Variants in ABCC1 observed in about 807,000 individuals in gnomAD.
The protein encoded by ABCC1 is ATP binding cassette subfamily C member 1 (ABCC1 blood group), also known as multidrug resistance-associated protein 1.
A neutral mutation model predicts 172.9 loss-of-function variants in ABCC1; 83 were observed. The observed-to-expected ratio is 0.48, with a 90% CI of 0.40 to 0.58. The LOEUF is 0.58. Among genes scored for constraint, ABCC1 ranks in the 20% least tolerant of loss-of-function variants. ABCC1 has a pLI of 0.00. For missense variants in ABCC1, 1,817 were observed against 2,002.7 expected (o/e 0.91, Z 1.77); for synonymous variants, 937 against 825.2 (o/e 1.14, Z -2.32).
rs572449968 is a variant in ABCC1, at chr16:16,044,362, G to A, written c.810-88G>A. The A allele has an allele frequency of 1.1e-4, 127 of 1,185,764 alleles. 1 individual carries two copies. The highest frequency in any genetic ancestry group is 8.0e-4 in the African/African-American group (52 of 65,404). 73.5% of individuals were successfully genotyped at this position (1,185,764 alleles called of 1,614,324 possible). A position where few individuals can be genotyped will look rare whatever the true frequency, so the allele number is the denominator to read the frequency against. Reference sequence around the variant, plus strand: ...TGTTGTCTTTGACTCTGCCTTCCCTGAAGGGTGACATTCCCTGGCCATGTC... The same window carrying A: ...TGTTGTCTTTGACTCTGCCTTCCCTAAAGGGTGACATTCCCTGGCCATGTC... On this transcript the variant is annotated intron_variant, in intron 7 of 30. Transcript: ENST00000399410.
intron 7 of ABCC1, among the ~76,000 whole-genome samples, chr16:16,039,208 TTTG>T (rs1336649999): frequency 7.6e-6 from 1 of 132,344 alleles, no homozygotes; most frequent in Non-Finnish European, 1.6e-5. Context: ...CGAGGAAGCT[TTTG>T]TGTGTGTGTG....
chr16:16,090,440 G>A lies in ABCC1; in HGVS notation c.2496G>A (p.Leu832=). The change falls in exon 19 of 31, where the codon TTG becomes TTA. Residue 832 remains leucine, a synonymous_variant. Coordinates refer to ENST00000399410, the MANE Select transcript of ABCC1 (RefSeq NM_004996.4). ...RILVTHSMSY[L]PQVDVIIVMS... ...TGGTCACGCACAGCATGAGCTACTT[G>A]CCGCAGGTGGACGTCATCATCGTCA... 1 of 1,612,036 alleles carries A rather than the reference G, an allele frequency of 6.2e-7. No homozygotes were observed. Among genetic ancestry groups the A allele is most frequent in the African/African-American group, 1.3e-5 (1 of 75,034 alleles).
chr16:16,067,685 A>G (rs765193391), intron 12 of ABCC1, among the ~76,000 whole-genome samples: 4 of 152,208 alleles, frequency 2.6e-5, no homozygotes, highest in Non-Finnish European at 4.4e-5. Context: ...ATGAAATGGC[A>G]GTGCTGAGAC....
intron 26 of ABCC1, among the ~76,000 whole-genome samples, chr16:16,127,760 A>G (rs1341738699): frequency 6.6e-6 from 1 of 151,780 alleles, no homozygotes; most frequent in African/African-American, 2.4e-5. Flanking sequence ...ACCTCGGCCC[A>G]CTCCTTTAAC....
At chr16:16,137,714 A>G (rs2045969145) in intron 29 of ABCC1, among the ~76,000 whole-genome samples, 1 of 151,656 alleles carries the variant, frequency 6.6e-6, no homozygotes, top group Non-Finnish European at 1.5e-5. Flanking sequence ...CACCATGCCC[A>G]GTTAAATTTT....
chr16:15,990,774 C>T (rs1053816776), intron 1 of ABCC1, among the ~76,000 whole-genome samples: 15 of 151,660 alleles, frequency 9.9e-5, no homozygotes, highest in Non-Finnish European at 1.6e-4. Context: ...CTCAGCCTCC[C>T]GAGTAGCTGG....
intron 19 of ABCC1, among the ~76,000 whole-genome samples, chr16:16,094,971 C>T (rs1399089827): frequency 6.6e-6 from 1 of 152,018 alleles, no homozygotes; most frequent in Non-Finnish European, 1.5e-5. Flanking sequence ...GCATGTGCCA[C>T]CACGCCCAGC....
intron 7 of ABCC1, among the ~76,000 whole-genome samples, chr16:16,038,077 A>G (rs1014790030): frequency 6.8e-6 from 1 of 147,610 alleles, no homozygotes; most frequent in African/African-American, 2.6e-5. Context: ...TGATAGATAG[A>G]TGGATGATAG....
At chr16:16,014,764 T>C (rs2047932183) in intron 4 of ABCC1, 136 bp downstream of exon 4, 2 of 1,041,770 alleles carry the variant, frequency 1.9e-6, no homozygotes, top group East Asian at 2.5e-5. Flanking sequence ...AGCTTCTCCC[T>C]TGGTGACTTT....
Position 16,044,431 on chromosome 16 carries a change from T to C in ABCC1, c.810-19T>C. On this transcript the variant is annotated intron_variant, in intron 7 of 30. Coordinates refer to ENST00000399410, the MANE Select transcript of ABCC1 (RefSeq NM_004996.4). Reference sequence around the variant, plus strand: ...ATCTCTGGCAGACCCCACAACGGCTTCACCTCCTTGTGTTCCAGGCAGCCG... The same window carrying C: ...ATCTCTGGCAGACCCCACAACGGCTCCACCTCCTTGTGTTCCAGGCAGCCG... 1 of 1,609,820 alleles carries C rather than the reference T, an allele frequency of 6.2e-7. No homozygotes were observed. Among genetic ancestry groups the C allele is most frequent in the Non-Finnish European group, 8.5e-7 (1 of 1,176,626 alleles).
rs887540092 is a variant in ABCC1, at chr16:16,061,466, A to G, written c.1677+5171A>G. On this transcript the variant is annotated intron_variant, in intron 12 of 30. Transcript: ENST00000399410. ...AGTCGTACCTCTCCCTCTTCTTCCCAGTGGTGACAATAGAAAATGGCTCCA... is the reference window on the plus strand; with the variant it reads ...AGTCGTACCTCTCCCTCTTCTTCCCGGTGGTGACAATAGAAAATGGCTCCA... 3.6e-4 allele frequency among the ~76,000 whole-genome samples: 55 copies of G among 152,124 alleles called. 1 individual carries two copies. The highest frequency in any genetic ancestry group is 3.2e-3 in the Admixed American group (49 of 15,264).
At chr16:16,021,328 A>G (rs529072832) in intron 5 of ABCC1, among the ~76,000 whole-genome samples, 1 of 149,116 alleles carries the variant, frequency 6.7e-6, no homozygotes, top group East Asian at 1.9e-4. Flanking sequence ...TTTTTTTTTT[A>G]ATGTTGCATT....
chr16:15,964,143 A>G (rs1178295883), intron 1 of ABCC1, among the ~76,000 whole-genome samples: 1 of 152,060 alleles, frequency 6.6e-6, no homozygotes, highest in Non-Finnish European at 1.5e-5. Context: ...GGATTTCACC[A>G]TGCTGGCTAG....
chr16:16,139,983 T>A lies in ABCC1; in HGVS notation c.4488-1190T>A, dbSNP rs185768260. ...GTTGCCGTGTGAAAGCAGTCATAGA[T>A]AGTGCACGAATGAATGAGCATGGCT... On this transcript the variant is annotated intron_variant, in intron 30 of 30. Coordinates refer to ENST00000399410, the MANE Select transcript of ABCC1 (RefSeq NM_004996.4). Among the ~76,000 whole-genome samples, 261 of 152,274 alleles carry A rather than the reference T, an allele frequency of 1.7e-3. 4 individuals carry two copies. Among genetic ancestry groups the A allele is most frequent in the African/African-American group, 5.9e-3 (247 of 41,560 alleles).
intron 1 of ABCC1, among the ~76,000 whole-genome samples, chr16:15,992,316 A>G (rs1184433070): frequency 6.6e-6 from 1 of 152,120 alleles, no homozygotes; most frequent in Non-Finnish European, 1.5e-5. Flanking sequence ...TGCACAATAA[A>G]TGTAATGCAC....
intron 21 of ABCC1, among the ~76,000 whole-genome samples, chr16:16,108,229 C>T (rs369265384): frequency 9.9e-5 from 15 of 151,046 alleles, no homozygotes; most frequent in African/African-American, 3.2e-4. Flanking sequence ...CAAAGTTGGA[C>T]CCAGAGTGGA....
At chr16:16,107,724 ATTG>A (rs2052195619) in intron 21 of ABCC1, among the ~76,000 whole-genome samples, 1 of 151,978 alleles carries the variant, frequency 6.6e-6, no homozygotes, top group Non-Finnish European at 1.5e-5. Context: ...CTCCTGTTTT[ATTG>A]TTTTTAAAGA....
intron 8 of ABCC1, 111 bp from the exon 9 acceptor site, chr16:16,045,725 A>G: frequency 2.9e-6 from 3 of 1,038,544 alleles, no homozygotes; most frequent in Non-Finnish European, 4.2e-6. Context: ...TTGAAGTGAT[A>G]GTGTCTAGCT....
rs139566458 is a variant in ABCC1 at position 16,034,445 on chromosome 16, G to A, written c.677+1275G>A. Among the ~76,000 whole-genome samples, 3 of 152,220 alleles carry A rather than the reference G, an allele frequency of 2.0e-5. No individual in the cohort carries two copies. The East Asian group carries it at 5.8e-4, about 29-fold the overall frequency. On this transcript the variant is annotated intron_variant, in intron 6 of 30. Coordinates refer to ENST00000399410, the MANE Select transcript of ABCC1 (RefSeq NM_004996.4). ...TGATGTAATTTGTTCATGACTACAGGACCCCGGATGCATGCTAATAACATT... is the reference window on the plus strand; with the variant it reads ...TGATGTAATTTGTTCATGACTACAGAACCCCGGATGCATGCTAATAACATT...
Sources: gnomAD v4.1 joint callset for allele counts (sites outside exome capture counted in the v4.1 genomes callset) on GRCh38, gnomAD v4.1.1 for gene constraint, MANE v1.5 for transcripts, NCBI Gene and HGNC (gene_info 2026-07-23, HGNC 2026-07-21) for gene names.